Variants in ASB5 observed in about 807,000 individuals in gnomAD.
ASB5 encodes the protein ankyrin repeat and SOCS box protein 5.
In ASB5, 45 loss-of-function variants were observed where a neutral mutation model predicts 42.1. That is an observed-to-expected ratio of 1.07 (90% confidence interval 0.84 to 1.37). The LOEUF (loss-of-function observed/expected upper bound fraction) is 1.37, where lower values mean the gene tolerates loss of function less well. Among genes scored for constraint, ASB5 ranks in the 40% most tolerant of loss-of-function variants. The pLI, the probability that ASB5 is intolerant of heterozygous loss-of-function variation, is 0.00. For missense variants in ASB5, 402 were observed against 399.8 expected (o/e 1.01, Z -0.05); for synonymous variants, 147 against 150.6 (o/e 0.98, Z 0.18).
intron 1 of ASB5, among the ~76,000 whole-genome samples, chr4:176,265,968 T>G (rs1754348876): frequency 6.6e-6 from 1 of 152,088 alleles, no homozygotes; most frequent in African/African-American, 2.4e-5. Flanking sequence ...AAAGATAGAT[T>G]TGTAAAGTTT....
chr4:176,249,930 TGACG>T (rs1753995054), intron 1 of ASB5, among the ~76,000 whole-genome samples: 3 of 151,534 alleles, frequency 2.0e-5, no homozygotes, highest in Non-Finnish European at 2.9e-5. Context: ...CCGGGCGTGG[TGACG>T]GGCGCCTGTA....
At chr4:176,253,725 C>T (rs1367755027) in intron 1 of ASB5, among the ~76,000 whole-genome samples, 2 of 152,170 alleles carry the variant, frequency 1.3e-5, no homozygotes, top group Non-Finnish European at 1.5e-5. Flanking sequence ...AAATCAGCAG[C>T]ATTTCTATAC....
chr4:176,215,714 A>T lies in ASB5; in HGVS notation c.876T>A (p.Ser292=). The T allele has an allele frequency of 6.2e-7, 1 of 1,612,480 alleles. No homozygotes were observed. The highest frequency in any genetic ancestry group is 8.5e-7 in the Non-Finnish European group (1 of 1,179,230). The change falls in exon 7 of 7, where the codon TCT becomes TCA. Residue 292 remains serine (S), a synonymous_variant. Transcript: ENST00000296525. ...TACAGAGTCGGCAAAGTTGGTAAAG[A>T]GAGCTTGGGGTAGCTACAAGAAGAC... is the stretch of plus-strand genomic sequence containing the variant. ...ILLQHEATPS[S]LYQLCRLCIR...
At position 176,214,769 on chromosome 4, in the gene ASB5, T is replaced by C. The variant is rs988305220; in HGVS notation, c.*831A>G. Reference sequence around the variant, plus strand: ...GTTTGTTAATTAGATATATAGTTCATTTTCTTAAGTCCAAGTATCACTAGC... The same window carrying C: ...GTTTGTTAATTAGATATATAGTTCACTTTCTTAAGTCCAAGTATCACTAGC... On this transcript the variant is annotated 3_prime_UTR_variant, in exon 7 of 7. Transcript: ENST00000296525. 1.2e-4 allele frequency: 18 copies of C among 152,228 alleles called. No individual in the cohort carries two copies. The highest frequency in any genetic ancestry group is 4.1e-4 in the African/African-American group (17 of 41,540). The allele number at this position is 152,228 out of a possible 1,614,324, so 9.4% of individuals were successfully genotyped here. A position where few individuals can be genotyped will look rare whatever the true frequency, so the allele number is the denominator to read the frequency against.
chr4:176,217,356 G>C (rs891808068), intron 5 of ASB5, among the ~76,000 whole-genome samples: 1 of 151,934 alleles, frequency 6.6e-6, no homozygotes, highest in Non-Finnish European at 1.5e-5. Flanking sequence ...CTATTATAAA[G>C]AGTGCACAAT....
At chr4:176,216,268 T>A (rs576768429) in intron 6 of ASB5, among the ~76,000 whole-genome samples, 1 of 152,278 alleles carries the variant, frequency 6.6e-6, no homozygotes, top group Admixed American at 6.5e-5. Flanking sequence ...GAAGTGCATA[T>A]AATGCATTAC....
chr4:176,246,047 A>T (rs1005118374), intron 1 of ASB5, among the ~76,000 whole-genome samples: 3 of 1,822 alleles, frequency 1.6e-3, no homozygotes, highest in East Asian at 3.2e-3. Context: ...AAAGTATATA[A>T]AAAAAAATTA....
chr4:176,225,885 C>T (rs943404288), intron 1 of ASB5, among the ~76,000 whole-genome samples: 6 of 152,224 alleles, frequency 3.9e-5, no homozygotes, highest in African/African-American at 4.8e-5. Flanking sequence ...CCACTGCCCC[C>T]GGCTTACTAT....
chr4:176,263,288 G>A (rs1237562742), intron 1 of ASB5, among the ~76,000 whole-genome samples: 1 of 152,034 alleles, frequency 6.6e-6, no homozygotes, highest in Non-Finnish European at 1.5e-5. Flanking sequence ...TCTTTCCCCA[G>A]CCTCAGCTTT....
At chr4:176,227,803 C>A (rs940568758) in intron 1 of ASB5, among the ~76,000 whole-genome samples, 10 of 152,304 alleles carry the variant, frequency 6.6e-5, no homozygotes, top group African/African-American at 2.4e-4. Context: ...CACACACTCT[C>A]TCTCATGCAC....
upstream of ASB5, among the ~76,000 whole-genome samples, chr4:176,269,585 A>G (rs1308707460): frequency 2.6e-5 from 4 of 152,210 alleles, no homozygotes; most frequent in African/African-American, 7.2e-5. Flanking sequence ...TACACAGTCC[A>G]TGGCTTGTAT....
intron 2 of ASB5, among the ~76,000 whole-genome samples, chr4:176,274,711 G>A (rs1200656860): frequency 6.6e-6 from 1 of 152,014 alleles, no homozygotes; most frequent in African/African-American, 2.4e-5. Flanking sequence ...TATGTCACTG[G>A]GCCAAAGCTG....
At position 176,269,040 on chromosome 4, in the gene ASB5, C is replaced by A; in HGVS notation, c.69G>T (p.Ser23=). 1.2e-6 allele frequency: 2 copies of A among 1,613,402 alleles called. No individual in the cohort carries two copies. The highest frequency in any genetic ancestry group is 3.3e-4 in the Middle Eastern group (2 of 6,054). The change falls in exon 1 of 7, where the codon TCG becomes TCT. Residue 23 remains serine (S), a synonymous_variant. Coordinates refer to ENST00000296525, the MANE Select transcript of ASB5 (RefSeq NM_080874.4). ...QLSNVYFTIL[S]LFCFKLFVKI... ...TCACAAAAAGCTTAAAACAGAACAGCGAAAGTATTGTAAAGTAGACATTGG... is the reference window on the plus strand; with the variant it reads ...TCACAAAAAGCTTAAAACAGAACAGAGAAAGTATTGTAAAGTAGACATTGG...
intron 1 of ASB5, among the ~76,000 whole-genome samples, chr4:176,260,910 C>CAGGAGATTGAG (rs1754256717): frequency 2.6e-5 from 4 of 152,242 alleles, no homozygotes; most frequent in African/African-American, 9.6e-5. Context: ...CTCCTGACCT[C>CAGGAGATTGAG]GTGATCCACC....
chr4:176,271,609 A>G (rs774801165), upstream of ASB5, among the ~76,000 whole-genome samples: 3 of 152,282 alleles, frequency 2.0e-5, no homozygotes, highest in African/African-American at 4.8e-5. Flanking sequence ...ACTGAACTCA[A>G]CATTGTAGTA....
intron 1 of ASB5, among the ~76,000 whole-genome samples, chr4:176,249,922 G>A (rs893754502): frequency 1.1e-4 from 17 of 149,898 alleles, no homozygotes; most frequent in African/African-American, 3.9e-4. Flanking sequence ...AAAATTAGCC[G>A]GGCGTGGTGA....
intron 1 of ASB5, among the ~76,000 whole-genome samples, chr4:176,234,783 T>A (rs947916797): frequency 6.6e-6 from 1 of 152,200 alleles, no homozygotes; most frequent in African/African-American, 2.4e-5. Flanking sequence ...TATCACATAT[T>A]GGCTCACTCT....
Position 176,237,386 on chromosome 4 carries a change from C to T in ASB5, c.197-12045G>A, listed in dbSNP as rs188521428. On this transcript the variant is annotated intron_variant, in intron 1 of 6. Transcript: ENST00000296525. Reference sequence around the variant, plus strand: ...TCTTTTCGTGAGGACCTGCTTAATGCAGTTCATTTCAACAGCAATATCTGC... The same window carrying T: ...TCTTTTCGTGAGGACCTGCTTAATGTAGTTCATTTCAACAGCAATATCTGC... The T allele has an allele frequency of 1.4e-5, 14 of 985,850 alleles. No individual in the cohort carries two copies. In the East Asian group the frequency reaches 5.7e-4, roughly 40 times the overall value. 61.1% of individuals were successfully genotyped at this position (985,850 alleles called of 1,614,324 possible). A position where few individuals can be genotyped will look rare whatever the true frequency, so the allele number is the denominator to read the frequency against.
intron 1 of ASB5, among the ~76,000 whole-genome samples, chr4:176,247,864 C>A (rs1412508721): frequency 6.6e-6 from 1 of 152,084 alleles, no homozygotes. Flanking sequence ...AAAGTCAAGC[C>A]ACAGAAGATA....
Sources: allele counts gnomAD v4.1 joint callset (sites outside exome capture counted in the v4.1 genomes callset), GRCh38; gene constraint gnomAD v4.1.1; transcripts MANE v1.5; gene names NCBI Gene and HGNC (gene_info 2026-07-23, HGNC 2026-07-21).